POLA2: variants seen among roughly 807,000 people sequenced by gnomAD.
POLA2 encodes DNA polymerase alpha subunit B.
In POLA2, 47 loss-of-function variants were observed where a neutral mutation model predicts 82.8. That is an observed-to-expected ratio of 0.57 (90% CI 0.45 to 0.72). The LOEUF (loss-of-function observed/expected upper bound fraction) is 0.72, where lower values mean the gene tolerates loss of function less well. Ranked by LOEUF, POLA2 falls within the 30% of genes least tolerant of loss-of-function variation. The pLI, the probability that POLA2 is intolerant of heterozygous loss-of-function variation, is 0.00. For missense variants in POLA2, 634 were observed against 728.1 expected (o/e 0.87, Z 1.49); for synonymous variants, 287 against 286.8 (o/e 1.00, Z -0.01).
chr11:65,276,856 A>G (rs1268448748), intron 5 of POLA2, among the ~76,000 whole-genome samples: 2 of 146,202 alleles, frequency 1.4e-5, no homozygotes, highest in African/African-American at 2.6e-5. Context: ...CAGTGGCACC[A>G]TCTTGGCTTA....
Position 65,281,115 on chromosome 11 carries a change from G to A in POLA2, c.868G>A (p.Glu290Lys), listed in dbSNP as rs370543097. The A allele has an allele frequency of 5.0e-6, 8 of 1,614,034 alleles. No individual in the cohort carries two copies. Among genetic ancestry groups the A allele is most frequent in the Middle Eastern group, 1.6e-4 (1 of 6,074 alleles). The change falls in exon 8 of 18, where the codon GAG becomes AAG. Residue 290 changes from glutamate (E) to lysine (K), a missense_variant. Coordinates refer to ENST00000265465, the MANE Select transcript of POLA2 (RefSeq NM_002689.4). ...TGCTCAAATTCCAGTGGATTTATCT[G>A]AGCTTAAGGAATATTCTCTGTTTCC... ...SGAQIPVDLSELKEYSLFPGQ... is the reference protein window; with the variant it reads ...SGAQIPVDLSKLKEYSLFPGQ...
At chr11:65,265,989 C>T (rs1368016821) in intron 1 of POLA2, among the ~76,000 whole-genome samples, 2 of 152,298 alleles carry the variant, frequency 1.3e-5, no homozygotes, top group South Asian at 2.1e-4. Flanking sequence ...CCGCCCACAA[C>T]CCTTGCCTGA....
chr11:65,278,618 A>G (rs768297241), intron 5 of POLA2, 112 bp from the exon 6 acceptor site: 4 of 862,704 alleles, frequency 4.6e-6, no homozygotes, highest in Non-Finnish European at 7.4e-6. Context: ...TTTATAAACT[A>G]TGAGGCCACC....
chr11:65,277,706 C>T (rs1949596423), intron 5 of POLA2, among the ~76,000 whole-genome samples: 1 of 152,172 alleles, frequency 6.6e-6, no homozygotes, highest in Non-Finnish European at 1.5e-5. Flanking sequence ...CTCATGTGAG[C>T]ATCTTGCTGC....
At chr11:65,281,825 C>A in intron 9 of POLA2, 93 bp downstream of exon 9, 1 of 1,015,934 alleles carries the variant, frequency 9.8e-7, no homozygotes. Flanking sequence ...TTTTTAGGAG[C>A]CCATTTATTT....
chr11:65,267,587 G>A lies in POLA2; in HGVS notation c.296+19G>A, dbSNP rs757674930. On this transcript the variant is annotated intron_variant, in intron 3 of 17. Coordinates refer to ENST00000265465, the MANE Select transcript of POLA2 (RefSeq NM_002689.4). ...AAGAGCTGTATCCTTTTCTGCTGAAGGTCTTTGCACCAAGCTACATGTTGT... is the reference window on the plus strand; with the variant it reads ...AAGAGCTGTATCCTTTTCTGCTGAAAGTCTTTGCACCAAGCTACATGTTGT... The A allele has an allele frequency of 6.8e-7, 1 of 1,473,168 alleles. No homozygotes were observed. The highest frequency in any genetic ancestry group is 1.4e-5 in the African/African-American group (1 of 71,600). The allele number at this position is 1,473,168 out of a possible 1,614,324, so 91.3% of individuals were successfully genotyped here. A position where few individuals can be genotyped will look rare whatever the true frequency, so the allele number is the denominator to read the frequency against.
intron 13 of POLA2, among the ~76,000 whole-genome samples, chr11:65,291,988 C>T (rs1201901919): frequency 6.6e-6 from 1 of 152,220 alleles, no homozygotes; most frequent in Non-Finnish European, 1.5e-5. Context: ...CCTATAATCC[C>T]AGCACTTTAG....
intron 17 of POLA2, 93 bp from the exon 18 acceptor site, chr11:65,297,025 CTT>C: frequency 7.5e-7 from 1 of 1,325,446 alleles, no homozygotes; most frequent in Non-Finnish European, 1.1e-6. Context: ...CTAAAACCCT[CTT>C]TGGGGTCCAG....
At chr11:65,280,313 A>T (rs1160555980) in intron 7 of POLA2, among the ~76,000 whole-genome samples, 4 of 152,226 alleles carry the variant, frequency 2.6e-5, no homozygotes, top group South Asian at 4.1e-4. Flanking sequence ...TTTTCTCCCA[A>T]GAGTGGGAAC....
chr11:65,296,225 C>G lies in POLA2; in HGVS notation c.1647+235C>G, dbSNP rs1469302122. ...CCTCCCTCCCCAAGAGAACGAGAGC[C>G]CAGATGACTAGGAAGGCCCTCAAAT... is the stretch of plus-strand genomic sequence containing the variant. On this transcript the variant is annotated intron_variant, in intron 17 of 17. Transcript: ENST00000265465. 1.5e-5 allele frequency: 7 copies of G among 456,540 alleles called. No homozygotes were observed. The East Asian group carries it at 2.8e-4, about 18-fold the overall frequency. The allele number at this position is 456,540 out of a possible 1,614,324, so 28.3% of individuals were successfully genotyped here. A position where few individuals can be genotyped will look rare whatever the true frequency, so the allele number is the denominator to read the frequency against.
At chr11:65,303,683 T>C (rs1001147900), downstream of POLA2, among the ~76,000 whole-genome samples, 2 of 152,158 alleles carry the variant, frequency 1.3e-5, no homozygotes, top group Non-Finnish European at 2.9e-5. Context: ...GGGAGTGTCA[T>C]GTTCACTGTT....
chr11:65,296,813 G>A (rs1949815189), intron 17 of POLA2, among the ~76,000 whole-genome samples: 1 of 152,018 alleles, frequency 6.6e-6, no homozygotes, highest in South Asian at 2.1e-4. Flanking sequence ...CAGGCATGGT[G>A]GTGTGGGTGC....
At chr11:65,274,071 G>A (rs773222947) in intron 4 of POLA2, among the ~76,000 whole-genome samples, 15 of 152,132 alleles carry the variant, frequency 9.9e-5, no homozygotes, top group African/African-American at 1.4e-4. Context: ...AAATAACACA[G>A]CTACTAAAAA....
chr11:65,299,378 G>A (rs757646111), downstream of POLA2, among the ~76,000 whole-genome samples: 11 of 152,196 alleles, frequency 7.2e-5, no homozygotes, highest in East Asian at 3.9e-4. Context: ...TCCCTTACCC[G>A]CCTCGTGGCT....
At chr11:65,279,796 T>TA in intron 7 of POLA2, 170 bp downstream of exon 7, 1 of 553,378 alleles carries the variant, frequency 1.8e-6, no homozygotes, top group South Asian at 2.4e-5. Flanking sequence ...TTGTAAGTGC[T>TA]GTCTGGTTTT....
At chr11:65,302,534 C>T (rs865919591), downstream of POLA2, among the ~76,000 whole-genome samples, 1 of 152,150 alleles carries the variant, frequency 6.6e-6, no homozygotes, top group African/African-American at 2.4e-5. Flanking sequence ...AAGGCATACT[C>T]ACTCCTGATT....
At chr11:65,275,147 C>A (rs1837619033) in intron 4 of POLA2, among the ~76,000 whole-genome samples, 1 of 152,044 alleles carries the variant, frequency 6.6e-6, no homozygotes, top group African/African-American at 2.4e-5. Flanking sequence ...CAGTTGCCAC[C>A]AGCTGACCAC....
chr11:65,281,520 C>T (rs140522223), intron 8 of POLA2, 150 bp from the exon 9 acceptor site: 13 of 642,250 alleles, frequency 2.0e-5, no homozygotes, highest in African/African-American at 5.5e-5. Flanking sequence ...ACTAATGCAA[C>T]GCCCTTAATT....
chr11:65,266,182 T>A (rs371907413), intron 1 of POLA2, among the ~76,000 whole-genome samples: 1 of 152,194 alleles, frequency 6.6e-6, no homozygotes, highest in African/African-American at 2.4e-5. Flanking sequence ...GCTAAAAATA[T>A]CAGCATCATC....
Sources: gnomAD v4.1 joint callset for allele counts (sites outside exome capture counted in the v4.1 genomes callset) on GRCh38, gnomAD v4.1.1 for gene constraint, MANE v1.5 for transcripts, NCBI Gene and HGNC (gene_info 2026-07-23, HGNC 2026-07-21) for gene names.